The following CABLES1 variants were observed in gnomAD, a reference collection of about 807,000 sequenced individuals.
CABLES1 encodes CDK5 and ABL1 enzyme substrate 1.
A neutral mutation model predicts 57.8 loss-of-function variants in CABLES1; 36 were observed. The ratio of observed to expected loss-of-function variants is 0.62; its 90% CI spans 0.48 to 0.82. CABLES1 has a LOEUF of 0.82. Ranked by LOEUF, CABLES1 falls within the 40% of genes least tolerant of loss-of-function variation. The pLI is 0.00. For missense variants in CABLES1, 767 were observed against 836.6 expected, an observed-to-expected ratio of 0.92 and a Z score of 1.03; for synonymous variants, 374 against 363.0, an observed-to-expected ratio of 1.03 and a Z score of -0.35.
chr18:23,164,269 C>T (rs1167283209), intron 1 of CABLES1, among the ~76,000 whole-genome samples: 6 of 152,224 alleles, frequency 3.9e-5, no homozygotes, highest in Non-Finnish European at 5.9e-5. Context: ...CCGTAGCCTA[C>T]AGAGTGTTGT....
At chr18:23,181,212 G>T (rs1012873072) in intron 1 of CABLES1, among the ~76,000 whole-genome samples, 1 of 152,110 alleles carries the variant, frequency 6.6e-6, no homozygotes, top group Middle Eastern at 3.2e-3. Flanking sequence ...TAGGCCAGCC[G>T]CGGTGTAATC....
chr18:23,155,819 C>T, intron 1 of CABLES1: 1 of 1,604,364 alleles, frequency 6.2e-7, no homozygotes, highest in Non-Finnish European at 8.5e-7. Flanking sequence ...GCTTGCTTAG[C>T]CTCCAGGCCA....
At chr18:23,250,341 TG>T (rs1181674655) in intron 7 of CABLES1, among the ~76,000 whole-genome samples, 1 of 45,786 alleles carries the variant, frequency 2.2e-5, no homozygotes, top group African/African-American at 3.1e-4. Context: ...GTGCCTGGAT[TG>T]GGGGGTGAGG....
chr18:23,227,426 T>G (rs1199501462), intron 4 of CABLES1, among the ~76,000 whole-genome samples: 1 of 152,212 alleles, frequency 6.6e-6, no homozygotes, highest in Non-Finnish European at 1.5e-5. Flanking sequence ...AAAGATTTGG[T>G]CATAAGCTAC....
At chr18:23,185,669 C>T (rs568208689) in intron 1 of CABLES1, among the ~76,000 whole-genome samples, 2 of 152,210 alleles carry the variant, frequency 1.3e-5, no homozygotes, top group South Asian at 4.2e-4. Flanking sequence ...ACCTCACTTG[C>T]CTGGGTGCAG....
intron 4 of CABLES1, among the ~76,000 whole-genome samples, chr18:23,230,068 T>C (rs755120077): frequency 2.2e-4 from 34 of 152,132 alleles, no homozygotes; most frequent in Non-Finnish European, 4.0e-4. Flanking sequence ...TCTTAACATA[T>C]ACAAATTAAA....
At chr18:23,244,902 C>T (rs2047835950) in intron 7 of CABLES1, among the ~76,000 whole-genome samples, 1 of 152,194 alleles carries the variant, frequency 6.6e-6, no homozygotes, top group African/African-American at 2.4e-5. Context: ...CATAAGAATT[C>T]CTGGGGAAAC....
intron 4 of CABLES1, among the ~76,000 whole-genome samples, chr18:23,229,420 A>T (rs2047551337): frequency 6.6e-6 from 1 of 150,612 alleles, no homozygotes; most frequent in Non-Finnish European, 1.5e-5. Context: ...CTCAAAAATT[A>T]TTAAAAAATA....
chr18:23,194,428 G>A lies in CABLES1; in HGVS notation c.918-20G>A. On this transcript the variant is annotated intron_variant, in intron 2 of 9. Transcript: ENST00000256925. ...CCAGCAGGCAACTGACTGTGTTTTT[G>A]AAATGACTTTATTTTTCAGATGTCG... 6.5e-7 allele frequency: 1 copy of A among 1,535,414 alleles called. No individual in the cohort carries two copies. Among genetic ancestry groups the A allele is most frequent in the Non-Finnish European group, 9.0e-7 (1 of 1,108,596 alleles).
chr18:23,247,112 G>A (rs955880855), intron 7 of CABLES1, among the ~76,000 whole-genome samples: 8 of 152,208 alleles, frequency 5.3e-5, no homozygotes, highest in Admixed American at 1.3e-4. Flanking sequence ...TCCCACTGCC[G>A]TGGCTCAATC....
At chr18:23,193,376 G>A (rs1317073727) in intron 2 of CABLES1, among the ~76,000 whole-genome samples, 1 of 152,090 alleles carries the variant, frequency 6.6e-6, no homozygotes, top group South Asian at 2.1e-4. Flanking sequence ...ATTTTTAGTA[G>A]AGACGGGGTT....
chr18:23,254,048 G>A, intron 9 of CABLES1, 112 bp downstream of exon 9: 1 of 842,176 alleles, frequency 1.2e-6, no homozygotes, highest in Non-Finnish European at 1.9e-6. Flanking sequence ...TCCTTAGTCA[G>A]CAATTGAGGT....
intron 1 of CABLES1, among the ~76,000 whole-genome samples, chr18:23,154,458 T>C (rs2046952946): frequency 6.6e-6 from 1 of 152,202 alleles, no homozygotes; most frequent in Non-Finnish European, 1.5e-5. Context: ...GATTCCTTAA[T>C]CTTCTTGAGC....
intron 4 of CABLES1, among the ~76,000 whole-genome samples, chr18:23,221,341 T>G (rs769945856): frequency 6.6e-6 from 1 of 152,264 alleles, no homozygotes; most frequent in Non-Finnish European, 1.5e-5. Flanking sequence ...TCCGTCTTCA[T>G]GTTCTTTTAC....
chr18:23,252,922 G>T (rs1452053267), intron 7 of CABLES1, 38 bp from the exon 8 acceptor site: 3 of 1,386,846 alleles, frequency 2.2e-6, no homozygotes, highest in South Asian at 2.3e-5. Context: ...TACGACCCTT[G>T]TTTTAAGGAG....
chr18:23,140,387 G>A (rs1598794065), intron 1 of CABLES1, among the ~76,000 whole-genome samples: 1 of 152,210 alleles, frequency 6.6e-6, no homozygotes, highest in Admixed American at 6.5e-5. Flanking sequence ...TGTGCTGATG[G>A]GAGGGGTGCA....
At chr18:23,203,607 G>T (rs974826093) in intron 3 of CABLES1, among the ~76,000 whole-genome samples, 1 of 151,900 alleles carries the variant, frequency 6.6e-6, no homozygotes, top group African/African-American at 2.4e-5. Context: ...AAGGGGATGG[G>T]TCATAACTAA....
intron 4 of CABLES1, among the ~76,000 whole-genome samples, chr18:23,215,440 A>G (rs1420456692): frequency 6.6e-6 from 1 of 152,224 alleles, no homozygotes; most frequent in African/African-American, 2.4e-5. Context: ...GAGTGTGACC[A>G]GCCTGGGCAT....
chr18:23,190,205 A>T (rs1598820060), intron 2 of CABLES1: 1 of 152,296 alleles, frequency 6.6e-6, no homozygotes. Context: ...CTCAGCGAGC[A>T]TGCAGGAGAG....
Sources: allele counts gnomAD v4.1 joint callset (sites outside exome capture counted in the v4.1 genomes callset), GRCh38; gene constraint gnomAD v4.1.1; transcripts MANE v1.5; gene names NCBI Gene and HGNC (gene_info 2026-07-23, HGNC 2026-07-21).